TASP1: variants seen among roughly 807,000 people sequenced by gnomAD.
TASP1 encodes taspase 1.
Under a neutral mutation model 56.6 loss-of-function variants are expected in TASP1, and 16 were observed. The observed-to-expected ratio is 0.28, with a 90% CI of 0.19 to 0.43. The LOEUF is 0.43. Ranked by LOEUF, TASP1 falls within the 20% of genes least tolerant of loss-of-function variation. The pLI, the probability that TASP1 is intolerant of heterozygous loss-of-function variation, is 1.00. For missense variants in TASP1, 393 were observed against 511.6 expected, an observed-to-expected ratio of 0.77 and a Z score of 2.24; for synonymous variants, 179 against 184.2, an observed-to-expected ratio of 0.97 and a Z score of 0.23.
chr20:13,313,023 T>C, the TASP1 span, among the ~76,000 whole-genome samples: 1 of 152,206 alleles, frequency 6.6e-6, no homozygotes, highest in Non-Finnish European at 1.5e-5. Flanking sequence ...TTCCAAATTC[T>C]AGCAGGTCCC....
At chr20:13,584,217 T>G (rs1312004814) in intron 5 of TASP1, among the ~76,000 whole-genome samples, 6 of 152,066 alleles carry the variant, frequency 3.9e-5, no homozygotes, top group Non-Finnish European at 8.8e-5. Context: ...CAGAAAAAAA[T>G]GCATTCAAGA....
intron 4 of TASP1, among the ~76,000 whole-genome samples, chr20:13,599,443 C>T (rs1416244038): frequency 6.6e-6 from 1 of 152,124 alleles, no homozygotes; most frequent in African/African-American, 2.4e-5. Flanking sequence ...AACCAAACAC[C>T]GCATGTTCTC....
At chr20:13,174,368 T>A in the TASP1 span, among the ~76,000 whole-genome samples, 1 of 152,168 alleles carries the variant, frequency 6.6e-6, no homozygotes, top group African/African-American at 2.4e-5. Context: ...TTGAAAATTG[T>A]CTTAGGCTCA....
intron 10 of TASP1, among the ~76,000 whole-genome samples, chr20:13,523,265 GAC>G: frequency 6.6e-6 from 1 of 152,272 alleles, no homozygotes; most frequent in Middle Eastern, 3.4e-3. Flanking sequence ...GAGTGCCTGT[GAC>G]ACACAGAGTA....
chr20:13,427,586 C>G (rs1301712798), intron 12 of TASP1, among the ~76,000 whole-genome samples: 1 of 152,036 alleles, frequency 6.6e-6, no homozygotes, highest in Non-Finnish European at 1.5e-5. Flanking sequence ...TGTGAAAAAG[C>G]TTTCAGGAAA....
intron 12 of TASP1, among the ~76,000 whole-genome samples, chr20:13,432,100 T>C (rs900674900): frequency 6.6e-6 from 1 of 152,238 alleles, no homozygotes; most frequent in African/African-American, 2.4e-5. Flanking sequence ...CCTCAACTTA[T>C]ATAGTTGAAG....
At chr20:13,173,804 C>T in the TASP1 span, among the ~76,000 whole-genome samples, 4 of 152,284 alleles carry the variant, frequency 2.6e-5, no homozygotes, top group African/African-American at 9.6e-5. Flanking sequence ...GGAATTGCCT[C>T]TTTTAAAATT....
intron 11 of TASP1, among the ~76,000 whole-genome samples, chr20:13,444,787 G>T (rs1408074446): frequency 3.3e-5 from 5 of 152,114 alleles, no homozygotes; most frequent in Non-Finnish European, 7.3e-5. Flanking sequence ...AGAACCTTAG[G>T]CATATGGAGG....
intron 4 of TASP1, among the ~76,000 whole-genome samples, chr20:13,600,152 A>G (rs2047900776): frequency 6.6e-6 from 1 of 152,222 alleles, no homozygotes; most frequent in Non-Finnish European, 1.5e-5. Flanking sequence ...ATGGAAAGAA[A>G]TACTATGTTC....
At position 13,482,527 on chromosome 20, in the gene TASP1, C is replaced by T. The variant is rs140980623; in HGVS notation, c.985+700G>A. ...GACATTTTAACAATATTGATTCTTCCAATCCATACACATGAAGTATTTTTC... is the reference window on the plus strand; with the variant it reads ...GACATTTTAACAATATTGATTCTTCTAATCCATACACATGAAGTATTTTTC... On this transcript the variant is annotated intron_variant, in intron 11 of 13. Transcript: ENST00000337743. Among the ~76,000 whole-genome samples, 1,208 of 152,250 alleles carry T rather than the reference C, an allele frequency of 7.9e-3. 13 individuals carry two copies. The highest frequency in any genetic ancestry group is 0.028 in the African/African-American group (1,165 of 41,556).
chr20:13,432,323 G>A (rs1402897198), intron 12 of TASP1, among the ~76,000 whole-genome samples: 2 of 152,170 alleles, frequency 1.3e-5, no homozygotes, highest in African/African-American at 4.8e-5. Context: ...ATAGATGTGT[G>A]AGCACATTCT....
At chr20:13,153,947 C>T in the TASP1 span, 8 of 1,598,804 alleles carry the variant, frequency 5.0e-6, no homozygotes, top group Admixed American at 8.5e-5. Context: ...TTGACCGGAC[C>T]TTTACTTCCC....
At chr20:13,272,424 C>T in the TASP1 span, among the ~76,000 whole-genome samples, 3 of 152,200 alleles carry the variant, frequency 2.0e-5, no homozygotes, top group Admixed American at 6.5e-5. Context: ...CCTGTTCCCT[C>T]CAATAAATTA....
chr20:13,192,561 C>T, the TASP1 span, among the ~76,000 whole-genome samples: 2 of 152,082 alleles, frequency 1.3e-5, no homozygotes, highest in African/African-American at 4.8e-5. Flanking sequence ...CACACACAGG[C>T]ACACATGACA....
intron 7 of TASP1, among the ~76,000 whole-genome samples, chr20:13,568,186 CACACAAACTGGA>C (rs1330010872): frequency 1.3e-5 from 2 of 152,166 alleles, no homozygotes; most frequent in Admixed American, 6.5e-5. Context: ...CTCGCTCTGT[CACACAAACTGGA>C]ATACAGTGGT....
chr20:13,279,673 G>A, the TASP1 span: 3 of 1,613,988 alleles, frequency 1.9e-6, no homozygotes, highest in Non-Finnish European at 2.5e-6. Context: ...CTCTGAAGCA[G>A]ATAAAGATCA....
At chr20:13,555,583 C>T (rs1348432266) in intron 8 of TASP1, among the ~76,000 whole-genome samples, 1 of 152,064 alleles carries the variant, frequency 6.6e-6, no homozygotes, top group Non-Finnish European at 1.5e-5. Context: ...AATTCTAGTT[C>T]TCTTGCTACT....
the TASP1 span, among the ~76,000 whole-genome samples, chr20:13,133,650 C>T: frequency 6.6e-6 from 1 of 152,150 alleles, no homozygotes; most frequent in South Asian, 2.1e-4. Flanking sequence ...AAGAGAATCG[C>T]TTGAGCCCAG....
chr20:13,509,528 A>G (rs1041938672), intron 10 of TASP1, among the ~76,000 whole-genome samples: 2 of 152,168 alleles, frequency 1.3e-5, no homozygotes, highest in African/African-American at 4.8e-5. Context: ...GAGTTGATGG[A>G]TTATGTTAAT....
Sources: allele counts gnomAD v4.1 joint callset (sites outside exome capture counted in the v4.1 genomes callset), GRCh38; gene constraint gnomAD v4.1.1; transcripts MANE v1.5; gene names NCBI Gene and HGNC (gene_info 2026-07-23, HGNC 2026-07-21).